Variants in TTC28 observed in about 807,000 individuals in gnomAD.
TTC28 encodes tetratricopeptide repeat protein 28.
TTC28 carries 61 observed loss-of-function variants against 198.0 expected under a neutral mutation model. The observed-to-expected ratio is 0.31, with a 90% confidence interval of 0.25 to 0.38. The LOEUF is 0.38. TTC28 is among the 10% of genes least tolerant of loss of function. TTC28 has a pLI of 1.00. For synonymous variants in TTC28, 1,171 were observed against 1,297.8 expected, an observed-to-expected ratio of 0.90 and a Z score of 2.10; for missense variants, 2,678 against 3,164.0, an observed-to-expected ratio of 0.85 and a Z score of 3.69.
At chr22:28,619,134 T>C (rs146673085) in intron 2 of TTC28, among the ~76,000 whole-genome samples, 4 of 152,264 alleles carry the variant, frequency 2.6e-5, no homozygotes, top group Admixed American at 6.5e-5. Context: ...AAAAAAGAAC[T>C]GGATAGTTTT....
At chr22:28,084,500 A>G (rs1462018478) in intron 12 of TTC28, among the ~76,000 whole-genome samples, 6 of 152,162 alleles carry the variant, frequency 3.9e-5, no homozygotes, top group African/African-American at 1.4e-4. Context: ...CCACACCAAA[A>G]ACCCATCTGT....
At chr22:28,254,970 C>T (rs962853959) in intron 5 of TTC28, among the ~76,000 whole-genome samples, 1 of 152,052 alleles carries the variant, frequency 6.6e-6, no homozygotes, top group African/African-American at 2.4e-5. Flanking sequence ...AAATTAAAAC[C>T]CCAGACCTAT....
rs1281124849 is a variant in TTC28, at chr22:28,274,997, AAAAG to A, written c.933+21197_933+21200del. On this transcript the variant is annotated intron_variant, in intron 5 of 22. Transcript: ENST00000397906. ...GTCTTAAAAAAAAAAAAAAAAAAAA[AAAAG>A]AGAGAGAGAGAGAAGCATTAGGAAT... 5.1e-3 allele frequency among the ~76,000 whole-genome samples: 760 copies of A among 149,706 alleles called. 4 individuals carry two copies. Among genetic ancestry groups the A allele is most frequent in the African/African-American group, 0.018 (719 of 39,950 alleles).
chr22:28,659,354 C>T (rs531585173), intron 1 of TTC28, among the ~76,000 whole-genome samples: 2 of 151,962 alleles, frequency 1.3e-5, no homozygotes, highest in East Asian at 1.9e-4. Context: ...TTGCAACCTC[C>T]GCCTCCCAGG....
chr22:28,268,048 G>GCTCTTTATT (rs2147317979), intron 5 of TTC28, among the ~76,000 whole-genome samples: 1 of 152,252 alleles, frequency 6.6e-6, no homozygotes, highest in Non-Finnish European at 1.5e-5. Context: ...GTCCTATTAG[G>GCTCTTTATT]GTGGAGATGC....
At chr22:28,521,783 G>C (rs914817762) in intron 2 of TTC28, among the ~76,000 whole-genome samples, 1 of 152,200 alleles carries the variant, frequency 6.6e-6, no homozygotes, top group African/African-American at 2.4e-5. Flanking sequence ...GTGCAGGATA[G>C]GAGGCTGAGC....
intron 5 of TTC28, among the ~76,000 whole-genome samples, chr22:28,240,734 T>A (rs1338475112): frequency 6.6e-6 from 1 of 152,032 alleles, no homozygotes; most frequent in East Asian, 1.9e-4. Context: ...AGGCAAACCA[T>A]AAGGCCGGAA....
At chr22:28,618,468 G>A (rs577223693) in intron 2 of TTC28, among the ~76,000 whole-genome samples, 1 of 152,104 alleles carries the variant, frequency 6.6e-6, no homozygotes, top group East Asian at 1.9e-4. Context: ...GATCACCTGA[G>A]GTTAGGAGCT....
chr22:28,014,228 T>G lies in TTC28; in HGVS notation c.4218+20A>C, dbSNP rs1447324570. 2.6e-6 allele frequency: 4 copies of G among 1,544,194 alleles called. No homozygotes were observed. Among genetic ancestry groups the G allele is most frequent in the African/African-American group, 2.7e-5 (2 of 72,882 alleles). ...TGTGTTCTGATGCGGAGGAGCCTTGTGCCCCCAGGAGGTGCTTACCCCTTC... is the reference window on the plus strand; with the variant it reads ...TGTGTTCTGATGCGGAGGAGCCTTGGGCCCCCAGGAGGTGCTTACCCCTTC... On this transcript the variant is annotated intron_variant, in intron 14 of 22. Coordinates refer to ENST00000397906, the MANE Select transcript of TTC28 (RefSeq NM_001145418.2).
chr22:28,405,875 A>G (rs552021089), intron 2 of TTC28, among the ~76,000 whole-genome samples: 6 of 152,382 alleles, frequency 3.9e-5, no homozygotes, highest in Non-Finnish European at 8.8e-5. Context: ...CATGTAATTA[A>G]AAGTGGGTAT....
chr22:28,539,937 CTTTTTTTT>C (rs34198666), intron 2 of TTC28, among the ~76,000 whole-genome samples: 8 of 84,588 alleles, frequency 9.5e-5, no homozygotes, highest in Non-Finnish European at 1.6e-4. Flanking sequence ...CCTCAGGAAG[CTTTTTTTT>C]TTTTTTTTTT....
rs979638590 is a variant in TTC28, at chr22:28,441,887, TAAA to T, written c.382-135247_382-135245del. 5.0e-5 allele frequency among the ~76,000 whole-genome samples: 6 copies of T among 119,140 alleles called. No individual in the cohort carries two copies. In the South Asian group the frequency reaches 8.2e-4, roughly 16 times the overall value. 78.2% of individuals were successfully genotyped at this position (119,140 alleles called of 152,430 possible). On this transcript the variant is annotated intron_variant, in intron 2 of 22. Transcript: ENST00000397906. ...ACGGCCAAATGAGGTATTTGAAGTT[TAAA>T]AAAAAAAAAAAAAAAAGGCCTGTTA...
rs1319467960 is a variant in TTC28 at position 27,981,215 on chromosome 22, T to C, written c.*1006A>G. Reference sequence around the variant, plus strand: ...TGGAAGGCGGGATTCTGGTTAAATCTAGTTAGCCATGGAAATTTTTTTTTT... The same window carrying C: ...TGGAAGGCGGGATTCTGGTTAAATCCAGTTAGCCATGGAAATTTTTTTTTT... On this transcript the variant is annotated 3_prime_UTR_variant, in exon 23 of 23. Coordinates refer to ENST00000397906, the MANE Select transcript of TTC28 (RefSeq NM_001145418.2). The C allele has an allele frequency of 1.4e-5, 2 of 144,678 alleles. No individual in the cohort carries two copies. The highest frequency in any genetic ancestry group is 2.6e-5 in the African/African-American group (1 of 39,050). 9.0% of individuals were successfully genotyped at this position (144,678 alleles called of 1,614,324 possible).
intron 6 of TTC28, among the ~76,000 whole-genome samples, chr22:28,111,343 G>A (rs1297989918): frequency 6.6e-6 from 1 of 152,102 alleles, no homozygotes; most frequent in Non-Finnish European, 1.5e-5. Flanking sequence ...CTCAAGGTGA[G>A]AAAATCTAAG....
At chr22:28,001,271 A>T in intron 15 of TTC28, 103 bp downstream of exon 15, 2 of 1,381,110 alleles carry the variant, frequency 1.4e-6, no homozygotes, top group Non-Finnish European at 2.0e-6. Context: ...TTTTGAGGAG[A>T]TCACAGCTAT....
intron 8 of TTC28, among the ~76,000 whole-genome samples, chr22:28,105,057 C>A (rs1367196330): frequency 1.3e-5 from 2 of 152,118 alleles, no homozygotes; most frequent in Non-Finnish European, 2.9e-5. Flanking sequence ...TCCGAGAGAG[C>A]AGGGCAAGGT....
chr22:28,140,325 T>G lies in TTC28; in HGVS notation c.1441+22767A>C, dbSNP rs149869669. Among the ~76,000 whole-genome samples the G allele has an allele frequency of 1.4e-3, 216 of 152,312 alleles. 1 individual carries two copies. Among genetic ancestry groups the G allele is most frequent in the African/African-American group, 4.8e-3 (201 of 41,568 alleles). On this transcript the variant is annotated intron_variant, in intron 6 of 22. Transcript: ENST00000397906. ...AACTCAGCCTCAAGGCTGATGTGCC[T>G]CTGAATCTCCCCTCAGAGCAGCTAA...
chr22:28,333,184 T>C (rs2045643973), intron 2 of TTC28, among the ~76,000 whole-genome samples: 1 of 152,094 alleles, frequency 6.6e-6, no homozygotes, highest in Non-Finnish European at 1.5e-5. Flanking sequence ...AGATTTTCTT[T>C]TGCTTATTTC....
chr22:28,138,003 G>A (rs577639873), intron 6 of TTC28, among the ~76,000 whole-genome samples: 4 of 152,040 alleles, frequency 2.6e-5, no homozygotes, highest in South Asian at 4.2e-4. Flanking sequence ...TGACAAGAGC[G>A]AAACTCCGTT....
Sources: gnomAD v4.1 joint callset for allele counts (sites outside exome capture counted in the v4.1 genomes callset) on GRCh38, gnomAD v4.1.1 for gene constraint, MANE v1.5 for transcripts, NCBI Gene and HGNC (gene_info 2026-07-23, HGNC 2026-07-21) for gene names.